BCKDHB: variants seen among roughly 807,000 people sequenced by gnomAD.
BCKDHB encodes 2-oxoisovalerate dehydrogenase subunit beta, mitochondrial.
Under a neutral mutation model 48.5 loss-of-function variants are expected in BCKDHB, and 41 were observed. The observed-to-expected ratio is 0.85, with a 90% confidence interval of 0.66 to 1.10. The LOEUF is 1.10. BCKDHB is among the 50% of genes least tolerant of loss of function. The probability of loss-of-function intolerance (pLI) is 0.00; values close to 1 mark genes in which losing one functional copy is unlikely to be tolerated. For missense variants in BCKDHB, 496 were observed against 494.2 expected, an observed-to-expected ratio of 1.00 and a Z score of -0.03; for synonymous variants, 201 against 174.8, an observed-to-expected ratio of 1.15 and a Z score of -1.18.
intron 3 of BCKDHB, among the ~76,000 whole-genome samples, chr6:80,129,452 C>A (rs1770518650): frequency 6.6e-6 from 1 of 152,052 alleles, no homozygotes; most frequent in Non-Finnish European, 1.5e-5. Context: ...TAAATGATTC[C>A]AAAATAATTG....
intron 6 of BCKDHB, among the ~76,000 whole-genome samples, chr6:80,196,773 C>G (rs1485265222): frequency 6.6e-6 from 1 of 152,052 alleles, no homozygotes; most frequent in African/African-American, 2.4e-5. Context: ...CAAGGATGAG[C>G]AAATTCACAG....
chr6:80,256,319 A>G (rs1000587739), intron 8 of BCKDHB, among the ~76,000 whole-genome samples: 1 of 152,188 alleles, frequency 6.6e-6, no homozygotes, highest in Non-Finnish European at 1.5e-5. Flanking sequence ...ATAGCCTACT[A>G]TACACCTAGG....
chr6:80,325,793 CCAGTT>C (rs1394634624), intron 9 of BCKDHB, among the ~76,000 whole-genome samples: 1 of 152,086 alleles, frequency 6.6e-6, no homozygotes, highest in African/African-American at 2.4e-5. Flanking sequence ...TCTCATAACC[CCAGTT>C]CAGTCATGAG....
the BCKDHB span, among the ~76,000 whole-genome samples, chr6:80,389,010 G>A: frequency 1.3e-5 from 2 of 152,328 alleles, no homozygotes; most frequent in South Asian, 4.1e-4. Flanking sequence ...GAAGAAGCAT[G>A]ATTGGAAAAT....
intron 9 of BCKDHB, among the ~76,000 whole-genome samples, chr6:80,323,266 C>T (rs1395155273): frequency 6.6e-6 from 1 of 152,152 alleles, no homozygotes; most frequent in East Asian, 1.9e-4. Flanking sequence ...CACAAACCCA[C>T]TTTCTTCATT....
chr6:80,456,877 A>G, the BCKDHB span, among the ~76,000 whole-genome samples: 1 of 152,366 alleles, frequency 6.6e-6, no homozygotes, highest in South Asian at 2.1e-4. Flanking sequence ...GGACTAGTAC[A>G]TCTTCCGTCT....
At chr6:80,430,655 C>G in the BCKDHB span, among the ~76,000 whole-genome samples, 1 of 152,114 alleles carries the variant, frequency 6.6e-6, no homozygotes, top group Non-Finnish European at 1.5e-5. Flanking sequence ...GCTGTGGGAT[C>G]AGCAGTGATA....
At chr6:80,413,898 C>A in the BCKDHB span, among the ~76,000 whole-genome samples, 1 of 152,200 alleles carries the variant, frequency 6.6e-6, no homozygotes, top group Non-Finnish European at 1.5e-5. Flanking sequence ...AATGGTTGAA[C>A]TAATTTACAC....
At chr6:80,415,915 TG>T in the BCKDHB span, among the ~76,000 whole-genome samples, 1 of 152,020 alleles carries the variant, frequency 6.6e-6, no homozygotes, top group Non-Finnish European at 1.5e-5. Flanking sequence ...CTTTTCTTGG[TG>T]GGTAGTATAA....
chr6:80,376,149 C>T, the BCKDHB span, among the ~76,000 whole-genome samples: 2 of 152,124 alleles, frequency 1.3e-5, no homozygotes, highest in South Asian at 2.1e-4. Context: ...CTAGGTGTGT[C>T]TGAGCTCAGA....
the BCKDHB span, among the ~76,000 whole-genome samples, chr6:80,407,015 C>T: frequency 6.6e-6 from 1 of 152,176 alleles, no homozygotes; most frequent in African/African-American, 2.4e-5. Context: ...TTTAATCCAT[C>T]TTGAGTTAAT....
At chr6:80,269,778 T>A (rs901094257) in intron 8 of BCKDHB, among the ~76,000 whole-genome samples, 5 of 152,156 alleles carry the variant, frequency 3.3e-5, no homozygotes, top group African/African-American at 9.6e-5. Context: ...AAATATTTTT[T>A]AAATGATTAT....
intron 3 of BCKDHB, among the ~76,000 whole-genome samples, chr6:80,133,645 T>C (rs999480096): frequency 2.0e-5 from 3 of 151,888 alleles, no homozygotes; most frequent in African/African-American, 4.8e-5. Context: ...ATGCTTTCTT[T>C]CTTTCTTTTT....
intron 1 of BCKDHB, among the ~76,000 whole-genome samples, chr6:80,120,934 G>T (rs1388859339): frequency 6.6e-6 from 1 of 152,136 alleles, no homozygotes; most frequent in Admixed American, 6.5e-5. Flanking sequence ...TGAAGTCCTT[G>T]CCTATACCTA....
the BCKDHB span, among the ~76,000 whole-genome samples, chr6:80,455,475 T>C: frequency 2.0e-5 from 3 of 151,768 alleles, no homozygotes; most frequent in South Asian, 6.3e-4. Context: ...CCTGATAATA[T>C]GGCTCATGTA....
intron 9 of BCKDHB, among the ~76,000 whole-genome samples, chr6:80,307,318 C>A (rs1412260422): frequency 5.3e-5 from 8 of 152,160 alleles, no homozygotes; most frequent in African/African-American, 1.9e-4. Context: ...CTAACATATA[C>A]AAAGTGGCTT....
chr6:80,407,896 A>G, the BCKDHB span, among the ~76,000 whole-genome samples: 1 of 152,156 alleles, frequency 6.6e-6, no homozygotes, highest in Admixed American at 6.5e-5. Context: ...ACTGTGTTGA[A>G]TAGGAGTGTT....
chr6:80,169,093 TTAATATC>T (rs1772758208), intron 5 of BCKDHB, 63 bp downstream of exon 5: 1 of 1,565,662 alleles, frequency 6.4e-7, no homozygotes, highest in Non-Finnish European at 8.8e-7. Context: ...TTCATTCTAT[TTAATATC>T]TATGCTTATC....
the BCKDHB span, among the ~76,000 whole-genome samples, chr6:80,463,560 G>A: frequency 1.3e-5 from 2 of 152,034 alleles, no homozygotes; most frequent in Non-Finnish European, 2.9e-5. Context: ...CTGAGGTTTT[G>A]AGCTTCTAAT....
Sources: gnomAD v4.1 joint callset for allele counts (sites outside exome capture counted in the v4.1 genomes callset) on GRCh38, gnomAD v4.1.1 for gene constraint, MANE v1.5 for transcripts, NCBI Gene and HGNC (gene_info 2026-07-23, HGNC 2026-07-21) for gene names.